The following HACD3 variants were observed in gnomAD, a reference collection of about 807,000 sequenced individuals.
HACD3 encodes very-long-chain (3R)-3-hydroxyacyl-CoA dehydratase 3.
A neutral mutation model predicts 55.2 loss-of-function variants in HACD3; 30 were observed. That is an observed-to-expected ratio of 0.54 (90% CI 0.41 to 0.74). The LOEUF is 0.74. Among genes scored for constraint, HACD3 ranks in the 30% least tolerant of loss-of-function variants. The pLI, the probability that HACD3 is intolerant of heterozygous loss-of-function variation, is 0.00. For missense variants in HACD3, 363 were observed against 440.1 expected, an observed-to-expected ratio of 0.82 and a Z score of 1.57; for synonymous variants, 141 against 151.7, an observed-to-expected ratio of 0.93 and a Z score of 0.52.
At chr15:65,539,362 G>A (rs402466) in intron 1 of HACD3, among the ~76,000 whole-genome samples, 142,758 of 151,920 alleles carry the variant, frequency 0.94, 67,080 homozygotes, top group Admixed American at 0.96. Context: ...CTGGGACTAC[G>A]GGCGCCCGCC....
intron 10 of HACD3, among the ~76,000 whole-genome samples, chr15:65,573,779 C>G (rs759428712): frequency 9.2e-5 from 14 of 151,940 alleles, no homozygotes; most frequent in Non-Finnish European, 1.8e-4. Context: ...CTTTTAAGAG[C>G]AAACTAATAC....
intron 3 of HACD3, among the ~76,000 whole-genome samples, chr15:65,555,923 A>C (rs1055025426): frequency 1.3e-5 from 2 of 152,168 alleles, no homozygotes; most frequent in African/African-American, 4.8e-5. Context: ...ACCTTGCATG[A>C]TGTGGCTGTG....
At chr15:65,558,013 G>A (rs2072211179) in intron 4 of HACD3, among the ~76,000 whole-genome samples, 1 of 142,018 alleles carries the variant, frequency 7.0e-6, no homozygotes, top group South Asian at 2.3e-4. Context: ...TTGCATGTAT[G>A]TTTCCTGCTC....
intron 4 of HACD3, among the ~76,000 whole-genome samples, chr15:65,557,248 C>T (rs953619298): frequency 2.6e-5 from 4 of 151,984 alleles, no homozygotes; most frequent in South Asian, 4.1e-4. Context: ...GGCCAAGGTG[C>T]GTGGATCACG....
chr15:65,543,763 C>T (rs1255655981), intron 1 of HACD3, among the ~76,000 whole-genome samples: 1 of 152,172 alleles, frequency 6.6e-6, no homozygotes, highest in African/African-American at 2.4e-5. Flanking sequence ...GCTACACGGT[C>T]ATGTCAGAAT....
chr15:65,556,630 A>G lies in HACD3; in HGVS notation c.205-109A>G, dbSNP rs1436362992. ...TGCATCAGGACTTGCAGGACCAGAG[A>G]AAGAAGGAGAATAAATATATCCTGC... On this transcript the variant is annotated intron_variant, in intron 3 of 10. Transcript: ENST00000261875. The G allele has an allele frequency of 3.4e-6, 4 of 1,181,332 alleles. No individual in the cohort carries two copies. In the African/African-American group the frequency reaches 4.6e-5, roughly 14 times the overall value. The allele number at this position is 1,181,332 out of a possible 1,614,324, so 73.2% of individuals were successfully genotyped here. A position where few individuals can be genotyped will look rare whatever the true frequency, so the allele number is the denominator to read the frequency against.
chr15:65,571,850 T>C (rs2072351394), intron 9 of HACD3, among the ~76,000 whole-genome samples, 196 bp downstream of exon 9: 1 of 152,240 alleles, frequency 6.6e-6, no homozygotes, highest in Non-Finnish European at 1.5e-5. Flanking sequence ...TTTTGTAACA[T>C]TGGAAAGCCA....
At position 65,571,403 on chromosome 15, in the gene HACD3, T is replaced by C. The variant is rs1024602147; in HGVS notation, c.774-145T>C. 6.6e-6 allele frequency: 4 copies of C among 601,882 alleles called. No homozygotes were observed. In the East Asian group the frequency reaches 1.1e-4, roughly 17 times the overall value. The allele number at this position is 601,882 out of a possible 1,614,324, so 37.3% of individuals were successfully genotyped here. On this transcript the variant is annotated intron_variant, in intron 8 of 10. Coordinates refer to ENST00000261875, the MANE Select transcript of HACD3 (RefSeq NM_016395.4). ...TTTAGGGCGCAGTGTGGCAGGAGTT[T>C]ATGGGTTGATAGCCAGCGTTATAAT...
At chr15:65,539,448 T>C (rs909890753) in intron 1 of HACD3, among the ~76,000 whole-genome samples, 1 of 152,138 alleles carries the variant, frequency 6.6e-6, no homozygotes, top group Admixed American at 6.5e-5. Context: ...CTCGAACTCC[T>C]GACCTCAAGT....
rs144661695 is a variant in HACD3 at position 65,573,133 on chromosome 15, T to C, written c.1012+767T>C. ...TGTCATAAAGCCTTCCACCTCACAA[T>C]AGGAAAGTCCCCTGCTCCTCATGGA... On this transcript the variant is annotated intron_variant, in intron 10 of 10. Coordinates refer to ENST00000261875, the MANE Select transcript of HACD3 (RefSeq NM_016395.4). Among the ~76,000 whole-genome samples the C allele has an allele frequency of 1.1e-3, 171 of 151,894 alleles. 1 individual carries two copies. The highest frequency in any genetic ancestry group is 3.8e-3 in the African/African-American group (157 of 41,398).
chr15:65,531,032 TGCCTGGCC>T (rs1371618976), intron 1 of HACD3, among the ~76,000 whole-genome samples: 2 of 152,224 alleles, frequency 1.3e-5, no homozygotes, highest in African/African-American at 4.8e-5. Flanking sequence ...CGGCCCTGGC[TGCCTGGCC>T]GTCGGGGTTC....
chr15:65,565,250 T>C (rs1009258002), intron 7 of HACD3: 2 of 153,554 alleles, frequency 1.3e-5, no homozygotes, highest in African/African-American at 4.8e-5. Context: ...AGGTGCATGG[T>C]GCAAGCTGTC....
At chr15:65,543,651 A>G (rs2072044193) in intron 1 of HACD3, among the ~76,000 whole-genome samples, 1 of 152,206 alleles carries the variant, frequency 6.6e-6, no homozygotes, top group Admixed American at 6.5e-5. Context: ...TACTTAGATC[A>G]TGGCTTCTAC....
rs1252954215 is a variant in HACD3 at position 65,577,282 on chromosome 15, TG to T, written c.*906del. 1.3e-5 allele frequency: 2 copies of T among 152,076 alleles called. No individual in the cohort carries two copies. The highest frequency in any genetic ancestry group is 2.9e-5 in the Non-Finnish European group (2 of 68,028). 9.4% of individuals were successfully genotyped at this position (152,076 alleles called of 1,614,324 possible). On this transcript the variant is annotated 3_prime_UTR_variant, in exon 11 of 11. Coordinates refer to ENST00000261875, the MANE Select transcript of HACD3 (RefSeq NM_016395.4). ...CTCTACAAAAAATAAAAAAATTAGC[TG>T]GGTGTGATGGCACACACCTGTTGTC...
chr15:65,537,525 T>G (rs927401646), intron 1 of HACD3, among the ~76,000 whole-genome samples: 29 of 151,648 alleles, frequency 1.9e-4, no homozygotes, highest in Admixed American at 1.8e-3. Context: ...GCATGGTGGC[T>G]CATGTCTGTA....
intron 2 of HACD3, 43 bp from the exon 3 acceptor site, chr15:65,554,844 G>T: frequency 2.1e-6 from 3 of 1,448,904 alleles, no homozygotes; most frequent in Non-Finnish European, 2.9e-6. Flanking sequence ...GGATGGCCTT[G>T]CTCTGCTCAA....
chr15:65,559,752 T>G (rs1018795069), intron 5 of HACD3, among the ~76,000 whole-genome samples: 4 of 151,756 alleles, frequency 2.6e-5, no homozygotes, highest in African/African-American at 7.3e-5. Flanking sequence ...AGGGGAGAGG[T>G]TCAGTGGAGG....
intron 1 of HACD3, chr15:65,535,843 C>A: frequency 1.7e-6 from 1 of 591,432 alleles, no homozygotes; most frequent in South Asian, 2.0e-5. Flanking sequence ...AGGTACCTGC[C>A]TAGCTAATTT....
chr15:65,576,263 C>T, intron 10 of HACD3, 40 bp from the exon 11 acceptor site: 1 of 1,553,534 alleles, frequency 6.4e-7, no homozygotes, highest in East Asian at 2.4e-5. Flanking sequence ...TATAAATAGA[C>T]AAAGACTCTA....
Sources: gnomAD v4.1 joint callset for allele counts (sites outside exome capture counted in the v4.1 genomes callset) on GRCh38, gnomAD v4.1.1 for gene constraint, MANE v1.5 for transcripts, NCBI Gene and HGNC (gene_info 2026-07-23, HGNC 2026-07-21) for gene names.